PIK3AP1: variants seen among roughly 807,000 people sequenced by gnomAD.
The protein encoded by PIK3AP1 is phosphoinositide 3-kinase adapter protein 1.
Under a neutral mutation model 88.1 loss-of-function variants are expected in PIK3AP1, and 21 were observed. That is an observed-to-expected ratio of 0.24 (90% CI 0.17 to 0.34). The LOEUF (loss-of-function observed/expected upper bound fraction) is 0.34. Among genes scored for constraint, PIK3AP1 ranks in the 10% least tolerant of loss-of-function variants. The pLI is 1.00. For missense variants in PIK3AP1, 828 were observed against 1,035.7 expected (o/e 0.80, Z 2.75); for synonymous variants, 398 against 400.0 (o/e 1.00, Z 0.06).
At chr10:96,621,004 A>C in intron 11 of PIK3AP1, 1 of 168,288 alleles carries the variant, frequency 5.9e-6, no homozygotes, top group South Asian at 1.5e-4. Context: ...TCAGGGATCC[A>C]GTTGCTAGCA....
intron 7 of PIK3AP1, among the ~76,000 whole-genome samples, chr10:96,648,311 A>G (rs1252613101): frequency 7.9e-5 from 12 of 152,168 alleles, no homozygotes; most frequent in Admixed American, 6.5e-4. Flanking sequence ...AGGTTTCTGT[A>G]AATTCTGTGA....
chr10:96,615,366 T>A (rs1849197890), intron 13 of PIK3AP1, among the ~76,000 whole-genome samples: 1 of 152,080 alleles, frequency 6.6e-6, no homozygotes, highest in Admixed American at 6.6e-5. Flanking sequence ...CATCATTGGC[T>A]ACAATGGGTT....
At chr10:96,677,285 C>T (rs1843936321) in intron 2 of PIK3AP1, among the ~76,000 whole-genome samples, 1 of 152,066 alleles carries the variant, frequency 6.6e-6, no homozygotes, top group South Asian at 2.1e-4. Context: ...ATTTATCCTT[C>T]CCACCAATTG....
intron 7 of PIK3AP1, among the ~76,000 whole-genome samples, chr10:96,647,439 A>G (rs1018093766): frequency 3.9e-5 from 6 of 152,232 alleles, no homozygotes; most frequent in African/African-American, 1.4e-4. Context: ...ACTAGTTACT[A>G]CTATGAACAC....
chr10:96,696,445 C>T (rs1311588502), intron 2 of PIK3AP1, among the ~76,000 whole-genome samples: 2 of 152,116 alleles, frequency 1.3e-5, no homozygotes, highest in East Asian at 3.9e-4. Context: ...CTCCAATGGG[C>T]AGATCAAGAA....
intron 3 of PIK3AP1, among the ~76,000 whole-genome samples, chr10:96,653,102 C>CAAT (rs1000834032): frequency 2.6e-5 from 4 of 151,566 alleles, no homozygotes; most frequent in Non-Finnish European, 4.4e-5. Context: ...ATAATAATAA[C>CAAT]AATAATAATA....
intron 2 of PIK3AP1, among the ~76,000 whole-genome samples, chr10:96,706,441 G>A (rs1460372448): frequency 6.6e-6 from 1 of 152,182 alleles, no homozygotes; most frequent in Non-Finnish European, 1.5e-5. Flanking sequence ...CAGAAATGTA[G>A]TGTAGGGAGA....
intron 10 of PIK3AP1, among the ~76,000 whole-genome samples, chr10:96,625,644 T>C (rs1404606011): frequency 6.6e-6 from 1 of 152,212 alleles, no homozygotes; most frequent in Non-Finnish European, 1.5e-5. Context: ...GGGCTCTGGG[T>C]GAATGCTACC....
At chr10:96,714,484 G>A (rs115401303) in intron 1 of PIK3AP1, among the ~76,000 whole-genome samples, 1,815 of 152,256 alleles carry the variant, frequency 0.012, 34 homozygotes, top group African/African-American at 0.042. Flanking sequence ...AAAAGTCAAG[G>A]AAATACAGAA....
chr10:96,613,080 C>A (rs946388282), intron 13 of PIK3AP1, among the ~76,000 whole-genome samples: 5 of 146,262 alleles, frequency 3.4e-5, no homozygotes, highest in African/African-American at 1.3e-4. Flanking sequence ...CTCACTGCAG[C>A]CTCCGCCTCC....
intron 1 of PIK3AP1, 73 bp from the exon 2 acceptor site, chr10:96,710,056 G>A: frequency 4.8e-6 from 7 of 1,453,818 alleles, no homozygotes; most frequent in Non-Finnish European, 6.5e-6. Flanking sequence ...GCCTGCAAAG[G>A]TAGAGCATCC....
At chr10:96,651,424 C>G (rs1843535690) in intron 5 of PIK3AP1, 44 bp from the exon 6 acceptor site, 2 of 1,614,010 alleles carry the variant, frequency 1.2e-6, no homozygotes, top group African/African-American at 2.7e-5. Context: ...ATCCAGCTCT[C>G]TTCCATCCCG....
intron 8 of PIK3AP1, among the ~76,000 whole-genome samples, chr10:96,630,023 T>C (rs1843224369): frequency 6.6e-6 from 1 of 151,520 alleles, no homozygotes; most frequent in Non-Finnish European, 1.5e-5. Context: ...AGTGGTTTTC[T>C]GGGAACTGAA....
chr10:96,648,607 T>C (rs1485648155), intron 7 of PIK3AP1, 52 bp downstream of exon 7: 2 of 1,536,632 alleles, frequency 1.3e-6, no homozygotes, highest in Non-Finnish European at 1.7e-6. Context: ...AGGGCAGCCA[T>C]ACTACCACAG....
At chr10:96,701,010 A>C in intron 2 of PIK3AP1, 2 of 411,072 alleles carry the variant, frequency 4.9e-6, no homozygotes, top group South Asian at 1.0e-4. Flanking sequence ...TGACCCAAAA[A>C]CCGAAAGACA....
chr10:96,658,766 C>A (rs910214258), intron 2 of PIK3AP1, among the ~76,000 whole-genome samples: 1 of 152,074 alleles, frequency 6.6e-6, no homozygotes, highest in African/African-American at 2.4e-5. Flanking sequence ...TTGAATGCTG[C>A]CAGATCTTTG....
At chr10:96,677,535 T>C (rs1843939804) in intron 2 of PIK3AP1, among the ~76,000 whole-genome samples, 1 of 151,394 alleles carries the variant, frequency 6.6e-6, no homozygotes. Context: ...CCCGATGCTC[T>C]TTAAGTCCAC....
chr10:96,627,041 T>G, intron 9 of PIK3AP1, 136 bp from the exon 10 acceptor site: 1 of 762,232 alleles, frequency 1.3e-6, no homozygotes, highest in Non-Finnish European at 2.2e-6. Flanking sequence ...CAATATCACT[T>G]CCTGTATCGT....
At chr10:96,641,434 G>A (rs1218601362) in intron 8 of PIK3AP1, among the ~76,000 whole-genome samples, 2 of 152,136 alleles carry the variant, frequency 1.3e-5, no homozygotes, top group African/African-American at 2.4e-5. Flanking sequence ...TCCTGTGAGC[G>A]AATCAGTGAG....
Sources: allele counts gnomAD v4.1 joint callset (sites outside exome capture counted in the v4.1 genomes callset), GRCh38; gene constraint gnomAD v4.1.1; transcripts MANE v1.5; gene names NCBI Gene and HGNC (gene_info 2026-07-23, HGNC 2026-07-21).